The following FARP2 variants were observed in gnomAD, a reference collection of about 807,000 sequenced individuals.
FARP2 encodes the protein FERM, ARHGEF and pleckstrin domain-containing protein 2.
Under a neutral mutation model 130.5 loss-of-function variants are expected in FARP2, and 111 were observed. That is an observed-to-expected ratio of 0.85 (90% CI 0.73 to 1.00). The LOEUF is 1.00. FARP2 is among the 50% of genes least tolerant of loss of function. The pLI is 0.00. For synonymous variants in FARP2, 504 were observed against 516.9 expected (o/e 0.98, Z 0.34); for missense variants, 1,385 against 1,346.3 (o/e 1.03, Z -0.45).
At chr2:241,492,256 C>T (rs1423970074) in intron 24 of FARP2, among the ~76,000 whole-genome samples, 1 of 152,214 alleles carries the variant, frequency 6.6e-6, no homozygotes, top group Non-Finnish European at 1.5e-5. Context: ...CCCCAGCACC[C>T]CCGTGAGGGG....
chr2:241,424,732 A>G (rs1230071737), intron 8 of FARP2, among the ~76,000 whole-genome samples: 1 of 152,202 alleles, frequency 6.6e-6, no homozygotes, highest in Non-Finnish European at 1.5e-5. Context: ...ATAATAGAGA[A>G]TAATCAAATG....
At chr2:241,407,419 A>G in intron 4 of FARP2, 118 bp from the exon 5 acceptor site, 1 of 760,866 alleles carries the variant, frequency 1.3e-6, no homozygotes, top group Non-Finnish European at 2.2e-6. Context: ...ATATTATTTG[A>G]AAAGATTTGC....
At chr2:241,377,216 C>T (rs1236227681) in intron 2 of FARP2, among the ~76,000 whole-genome samples, 1 of 152,134 alleles carries the variant, frequency 6.6e-6, no homozygotes, top group Non-Finnish European at 1.5e-5. Flanking sequence ...TCTGTATTCT[C>T]ATGGCCAGAA....
chr2:241,366,111 A>ATATATATACG, intron 1 of FARP2, among the ~76,000 whole-genome samples: 2 of 16,606 alleles, frequency 1.2e-4, no homozygotes, highest in East Asian at 2.7e-3. Context: ...AAAAATATAT[A>ATATATATACG]TATATATATA....
At chr2:241,388,776 C>CAA in intron 2 of FARP2, among the ~76,000 whole-genome samples, 1 of 151,974 alleles carries the variant, frequency 6.6e-6, no homozygotes, top group East Asian at 1.9e-4. Context: ...TGCAGTGAGC[C>CAA]GTGATCATGC....
chr2:241,454,077 C>T (rs184478482), intron 13 of FARP2, among the ~76,000 whole-genome samples: 249 of 152,224 alleles, frequency 1.6e-3, no homozygotes, highest in Non-Finnish European at 3.0e-3. Flanking sequence ...AGTCACCGCA[C>T]CCGGCCAGGA....
At chr2:241,367,342 T>G (rs1218517286) in intron 1 of FARP2, among the ~76,000 whole-genome samples, 1 of 152,166 alleles carries the variant, frequency 6.6e-6, no homozygotes, top group Non-Finnish European at 1.5e-5. Flanking sequence ...TCATTAGCAG[T>G]TTGAAGGCCT....
chr2:241,431,616 A>G (rs1251577327), intron 8 of FARP2, 63 bp from the exon 9 acceptor site: 2 of 812,378 alleles, frequency 2.5e-6, no homozygotes, highest in Non-Finnish European at 4.2e-6. Flanking sequence ...AGCATTCCCT[A>G]TTTCATGAGA....
chr2:241,456,680 C>T (rs554532481), intron 13 of FARP2, 67 bp from the exon 14 acceptor site: 361 of 1,518,920 alleles, frequency 2.4e-4, no homozygotes, highest in African/African-American at 2.4e-3. Flanking sequence ...AGAGTAGTAG[C>T]GGCTCTAAGC....
At position 241,459,435 on chromosome 2, in the gene FARP2, G is replaced by T. The variant is rs973327343; in HGVS notation, c.1587+2513G>T. On this transcript the variant is annotated intron_variant, in intron 14 of 26. Transcript: ENST00000264042. The surrounding 1 kb of genome is among the most constrained non-coding windows in gnomAD (Gnocchi z 5.3). ...CAGTTGCTGGGCTGTGCGGGGAGGG[G>T]CAAAGAGCTGCCCACCCTCCAGCCC... 9.2e-5 allele frequency among the ~76,000 whole-genome samples: 14 copies of T among 152,214 alleles called. No homozygotes were observed. Among genetic ancestry groups the T allele is most frequent in the Non-Finnish European group, 1.5e-4 (10 of 68,038 alleles).
Position 241,482,405 on chromosome 2 carries a change from G to A in FARP2, c.2263-1060G>A, listed in dbSNP as rs900900534. On this transcript the variant is annotated intron_variant, in intron 19 of 26. Transcript: ENST00000264042. This position sits in a 1 kb window ranked among gnomAD's most constrained non-coding sequence, Gnocchi z 4.6. ...GCTGCTACCTGTGGCTGGAAGGAAC[G>A]GCCACTCCCAGGGCCAAGCAATTGC... 1.1e-4 allele frequency among the ~76,000 whole-genome samples: 16 copies of A among 152,112 alleles called. No individual in the cohort carries two copies. The highest frequency in any genetic ancestry group is 5.9e-4 in the Admixed American group (9 of 15,284).
chr2:241,360,061 C>G (rs1452469464), intron 1 of FARP2, among the ~76,000 whole-genome samples: 2 of 152,170 alleles, frequency 1.3e-5, no homozygotes, highest in African/African-American at 2.4e-5. Flanking sequence ...CCTCACTTTA[C>G]TCACTCCAAG....
intron 21 of FARP2, among the ~76,000 whole-genome samples, chr2:241,484,761 A>G (rs2064710842): frequency 6.6e-6 from 1 of 152,116 alleles, no homozygotes; most frequent in African/African-American, 2.4e-5. Flanking sequence ...TTTTAGCATG[A>G]TCCAGTTCAT....
At chr2:241,466,274 G>A (rs1234765294) in intron 17 of FARP2, 6 of 985,310 alleles carry the variant, frequency 6.1e-6, no homozygotes, top group Non-Finnish European at 6.0e-6. Context: ...GGTGTGGAGT[G>A]GTGAGTCCCG....
intron 8 of FARP2, among the ~76,000 whole-genome samples, chr2:241,424,702 T>C (rs1362341834): frequency 2.0e-5 from 3 of 152,096 alleles, no homozygotes; most frequent in Non-Finnish European, 4.4e-5. Context: ...AATAGACTGC[T>C]AGCTAGACTA....
chr2:241,442,116 G>A, intron 13 of FARP2: 1 of 407,824 alleles, frequency 2.5e-6, no homozygotes, highest in Non-Finnish European at 5.0e-6. Flanking sequence ...TGCAGCGCCT[G>A]CTGGGTCCTT....
chr2:241,417,026 C>T (rs2062691261), intron 7 of FARP2, among the ~76,000 whole-genome samples: 1 of 152,108 alleles, frequency 6.6e-6, no homozygotes, highest in Non-Finnish European at 1.5e-5. Flanking sequence ...GATGGCCGGG[C>T]GCAGTGGCTC....
intron 19 of FARP2, chr2:241,478,583 TTTGGGCCTGTG>T: frequency 2.0e-6 from 1 of 497,832 alleles, no homozygotes; most frequent in South Asian, 1.5e-5. Flanking sequence ...CCCCACCTAT[TTTGGGCCTGTG>T]TTGAACTACC....
At chr2:241,358,851 T>C (rs1290411280) in intron 1 of FARP2, among the ~76,000 whole-genome samples, 1 of 152,198 alleles carries the variant, frequency 6.6e-6, no homozygotes, top group Non-Finnish European at 1.5e-5. Flanking sequence ...CAGTCTTTGG[T>C]GATTTTCTGG....
Sources: gnomAD v4.1 joint callset for allele counts (sites outside exome capture counted in the v4.1 genomes callset) on GRCh38, gnomAD v4.1.1 for gene constraint, Gnocchi (gnomAD v3.1) non-coding constraint, MANE v1.5 for transcripts, NCBI Gene and HGNC (gene_info 2026-07-23, HGNC 2026-07-21) for gene names.